The following DMD variants were observed in gnomAD, a reference collection of about 807,000 sequenced individuals.
The protein encoded by DMD is dystrophin.
Under a neutral mutation model 330.1 loss-of-function variants are expected in DMD, and 63 were observed. The ratio of observed to expected loss-of-function variants is 0.19; its 90% CI spans 0.16 to 0.24. The LOEUF (loss-of-function observed/expected upper bound fraction) is 0.24. Ranked by LOEUF, DMD falls within the 10% of genes least tolerant of loss-of-function variation. The pLI is 1.00. For missense variants in DMD, 3,344 were observed against 2,684.1 expected (o/e 1.25, Z -5.43); for synonymous variants, 1,223 against 959.8 (o/e 1.27, Z -5.07).
chrX:31,495,626 G>T (rs1191988757), intron 57 of DMD, among the ~76,000 whole-genome samples: 2 of 112,009 alleles, frequency 1.8e-5, no homozygotes, highest in African/African-American at 3.2e-5. Context: ...AAATTGAAAC[G>T]TATTTTGCTT....
chrX:32,646,379 G>A (rs2059784696), intron 9 of DMD, among the ~76,000 whole-genome samples: 1 of 111,450 alleles, frequency 9.0e-6, no homozygotes, highest in African/African-American at 3.3e-5. Context: ...ACTTTGCTGA[G>A]GTCAAGGACA....
In DMD at chrX:32,093,919, T is replaced by TA. The variant is rs1409600200; in HGVS notation, c.6438+122996dup. Among the ~76,000 whole-genome samples the TA allele has an allele frequency of 2.0e-4, 21 of 105,583 alleles. No homozygotes were observed. The South Asian group carries it at 3.3e-3, about 16-fold the overall frequency. The allele number at this position is 105,583 out of a possible 115,157, so 91.7% of individuals were successfully genotyped here. On this transcript the variant is annotated intron_variant, in intron 44 of 78. Transcript: ENST00000357033. ...TTAAAATGTCATTTTAACCCTCCTT[T>TA]AAAAAAAAAAGCTTATCTAAATTTA...
intron 44 of DMD, among the ~76,000 whole-genome samples, chrX:32,137,264 C>CA (rs34490751): frequency 1.8e-5 from 2 of 110,576 alleles, no homozygotes; most frequent in East Asian, 2.8e-4. Context: ...GCCTCCTTTA[C>CA]AAAAAAAAGT....
intron 9 of DMD, among the ~76,000 whole-genome samples, chrX:32,654,150 T>C (rs149526836): frequency 0.08 from 8,848 of 110,630 alleles, 883 homozygotes; most frequent in African/African-American, 0.28. Flanking sequence ...ATTTCCTTCT[T>C]CTGCCTGATT....
At chrX:32,554,814 GA>G (rs2049986771) in intron 16 of DMD, among the ~76,000 whole-genome samples, 1 of 14,407 alleles carries the variant, frequency 6.9e-5, no homozygotes, top group Non-Finnish European at 1.0e-4. Flanking sequence ...GGGAGGGAGG[GA>G]GGGAGGGAGG....
rs775634913 is a variant in DMD at position 32,491,280 on chromosome X, A to G, written c.2619T>C (p.Cys873=). 4 of 1,211,866 alleles carry G rather than the reference A, an allele frequency of 3.3e-6. No homozygotes were observed. Among genetic ancestry groups the G allele is most frequent in the East Asian group, 3.0e-5 (1 of 33,847 alleles). Residue 873 remains cysteine, a synonymous_variant, in exon 20 of 79, where the codon TGT becomes TGC. Coordinates refer to ENST00000357033, the MANE Select transcript of DMD (RefSeq NM_004006.3). ...PTAIKSQLKI[C]KDEVNRLSDL... ...TGGAAGGAGAAGAGATTCTTACCTTACAAATTTTTAACTGACTTTTAATTG... is the reference window on the plus strand; with the variant it reads ...TGGAAGGAGAAGAGATTCTTACCTTGCAAATTTTTAACTGACTTTTAATTG...
At position 31,894,400 on chromosome X, in the gene DMD, T is replaced by C. The variant is rs192409459; in HGVS notation, c.6913-19027A>G. ...CTCATCTCTTGGCTCTGGCTAAGTA[T>C]GCAGCTACATTCCCGATGATGTGGC... On this transcript the variant is annotated intron_variant, in intron 47 of 78. Transcript: ENST00000357033. Among the ~76,000 whole-genome samples, 22 of 111,659 alleles carry C rather than the reference T, an allele frequency of 2.0e-4. No homozygotes were observed. In the East Asian group the frequency reaches 3.4e-3, roughly 17 times the overall value.
At chrX:33,317,168 C>A (rs2053944309) in intron 1 of DMD, among the ~76,000 whole-genome samples, 1 of 110,342 alleles carries the variant, frequency 9.1e-6, no homozygotes, top group Non-Finnish European at 1.9e-5. Flanking sequence ...TAAAAAGAAA[C>A]AATACACAAT....
chrX:31,204,311 A>C (rs750540819), intron 66 of DMD, among the ~76,000 whole-genome samples, 193 bp from the exon 67 acceptor site: 9 of 112,786 alleles, frequency 8.0e-5, no homozygotes, highest in Non-Finnish European at 1.7e-4. Flanking sequence ...CACTGTATAT[A>C]TATGAAGTGT....
intron 21 of DMD, among the ~76,000 whole-genome samples, chrX:32,478,255 A>G (rs769795425): frequency 4.9e-4 from 54 of 111,265 alleles, no homozygotes; most frequent in Admixed American, 2.7e-3. Context: ...ACCTGTGGGG[A>G]AAAAAATGCA....
Position 32,485,035 on chromosome X carries a change from G to A in DMD, c.2687C>T (p.Ala896Val). The change falls in exon 21 of 79, where the codon GCC becomes GTC. Residue 896 changes from alanine to valine, a missense_variant. By Grantham distance (64) the Ala-to-Val change is moderately conservative (BLOSUM62 0). Transcript: ENST00000357033. The stretch of plus-strand genomic sequence containing the variant: ...GGGTCCTTGTCCTTTCTCTTTCAGG[G>A]CTATGCTTTGAATTTTTAATCGTTC... ...QIERLKIQSIALKEKGQGPMF... is the reference protein window; with the variant it reads ...QIERLKIQSIVLKEKGQGPMF... The A allele has an allele frequency of 1.7e-6, 2 of 1,211,061 alleles. No homozygotes were observed. Among genetic ancestry groups the A allele is most frequent in the South Asian group, 1.8e-5 (1 of 56,993 alleles).
chrX:31,966,070 C>T (rs1007798776), intron 45 of DMD, among the ~76,000 whole-genome samples: 3 of 111,031 alleles, frequency 2.7e-5, no homozygotes, highest in East Asian at 5.6e-4. Flanking sequence ...TATTTCTAAC[C>T]GCTGTACTTA....
At chrX:32,179,265 A>T in intron 44 of DMD, among the ~76,000 whole-genome samples, 1 of 111,284 alleles carries the variant, frequency 9.0e-6, no homozygotes, top group African/African-American at 3.3e-5. Flanking sequence ...AGGTATCAGA[A>T]TTTTCTTTTT....
intron 2 of DMD, among the ~76,000 whole-genome samples, chrX:32,863,573 CAAAT>C (rs1341741101): frequency 9.9e-6 from 1 of 101,219 alleles, no homozygotes; most frequent in African/African-American, 3.8e-5. Flanking sequence ...CACACACACA[CAAAT>C]ACACACATAT....
At chrX:32,776,848 T>C (rs1423706656) in intron 7 of DMD, among the ~76,000 whole-genome samples, 1 of 112,125 alleles carries the variant, frequency 8.9e-6, no homozygotes, top group Non-Finnish European at 1.9e-5. Flanking sequence ...TGTTCTCAAA[T>C]GCTTAATTAA....
chrX:33,010,234 A>ACATATGTGTGTATATG (rs1569549291), intron 2 of DMD, among the ~76,000 whole-genome samples: 95 of 96,787 alleles, frequency 9.8e-4, no homozygotes, highest in Middle Eastern at 0.012. Context: ...GTGTGTATAT[A>ACATATGTGTGTATATG]TGTACATATG....
rs758143246 is a variant in DMD, at chrX:32,525,222, A to T, written c.2169-7091T>A. 8.0e-5 allele frequency among the ~76,000 whole-genome samples: 9 copies of T among 111,993 alleles called. No homozygotes were observed. In the South Asian group the frequency reaches 3.3e-3, roughly 42 times the overall value. ...TTCAAACATCTCTGATTTCCTTGCTAAAACTCTTTTTGTCCACACATAATG... is the reference window on the plus strand; with the variant it reads ...TTCAAACATCTCTGATTTCCTTGCTTAAACTCTTTTTGTCCACACATAATG... On this transcript the variant is annotated intron_variant, in intron 17 of 78. Transcript: ENST00000357033.
At chrX:31,456,836 A>ATGTGTGTGTGTGTG (rs5901988) in intron 59 of DMD, among the ~76,000 whole-genome samples, 18 of 83,251 alleles carry the variant, frequency 2.2e-4, no homozygotes, top group African/African-American at 6.5e-4. Context: ...GCCCACATAT[A>ATGTGTGTGTGTGTG]TGTGTGTGTG....
intron 45 of DMD, among the ~76,000 whole-genome samples, chrX:31,957,264 C>T (rs746962623): frequency 1.6e-4 from 18 of 111,905 alleles, no homozygotes; most frequent in African/African-American, 5.5e-4. Context: ...TCCTAAAGTC[C>T]GTTTCCGCTT....
Sources: gnomAD v4.1 joint callset for allele counts (sites outside exome capture counted in the v4.1 genomes callset) on GRCh38, gnomAD v4.1.1 for gene constraint, MANE v1.5 for transcripts, NCBI Gene and HGNC (gene_info 2026-07-23, HGNC 2026-07-21) for gene names.